PCDHA1: variants seen among roughly 807,000 people sequenced by gnomAD.
PCDHA1 encodes the protein protocadherin alpha 1, also known as protocadherin alpha-1.
In PCDHA1, 42 loss-of-function variants were observed where a neutral mutation model predicts 61.3. The observed-to-expected ratio is 0.69, with a 90% confidence interval of 0.54 to 0.89. PCDHA1 has a LOEUF of 0.89. Ranked by LOEUF, PCDHA1 falls within the 40% of genes least tolerant of loss-of-function variation. The pLI is 0.00. For synonymous variants in PCDHA1, 610 were observed against 553.8 expected (o/e 1.10, Z -1.43); for missense variants, 1,256 against 1,235.3 (o/e 1.02, Z -0.25).
At chr5:140,921,992 C>T (rs963694302) in intron 1 of PCDHA1, among the ~76,000 whole-genome samples, 1 of 151,726 alleles carries the variant, frequency 6.6e-6, no homozygotes, top group East Asian at 1.9e-4. Context: ...AAAAAGAGTT[C>T]AATGAAATGA....
At chr5:140,870,837 G>A (rs782610375) in intron 1 of PCDHA1, 9 of 1,613,702 alleles carry the variant, frequency 5.6e-6, no homozygotes, top group African/African-American at 1.3e-5. Flanking sequence ...CAGTTAACAA[G>A]CTAGTACCGC....
In PCDHA1 at chr5:140,863,213, A is replaced by C. The variant is rs1554157955; in HGVS notation, c.2394+74529A>C. 2.9e-6 allele frequency: 3 copies of C among 1,051,332 alleles called. No individual in the cohort carries two copies. The South Asian group carries it at 3.7e-5, about 13-fold the overall frequency. The allele number at this position is 1,051,332 out of a possible 1,614,324, so 65.1% of individuals were successfully genotyped here. On this transcript the variant is annotated intron_variant, in intron 1 of 3. Transcript: ENST00000504120. ...GTGGCGTCGCTGGCGGAGAGCAGCC[A>C]AGCGAGGAAGGTCCCATCGCGGGCT... is the stretch of plus-strand genomic sequence containing the variant.
At chr5:140,929,391 A>T (rs1563116530) in intron 1 of PCDHA1, 3 of 1,511,404 alleles carry the variant, frequency 2.0e-6, no homozygotes, top group Non-Finnish European at 2.7e-6. Context: ...GTTTTGAAAT[A>T]TTTCTTAGAC....
At chr5:140,948,395 T>C (rs1317288202) in intron 1 of PCDHA1, among the ~76,000 whole-genome samples, 1 of 151,580 alleles carries the variant, frequency 6.6e-6, no homozygotes, top group African/African-American at 2.4e-5. Context: ...TTCTGAAAGG[T>C]TGTGTAATAT....
intron 1 of PCDHA1, among the ~76,000 whole-genome samples, chr5:140,899,434 A>G (rs1583342387): frequency 6.6e-6 from 1 of 152,206 alleles, no homozygotes; most frequent in East Asian, 1.9e-4. Flanking sequence ...TCTTTTCTGC[A>G]TCTATTGAGA....
intron 1 of PCDHA1, among the ~76,000 whole-genome samples, chr5:140,905,958 G>C (rs1554192269): frequency 6.6e-6 from 1 of 152,184 alleles, no homozygotes; most frequent in African/African-American, 2.4e-5. Context: ...GATGTTCAAG[G>C]GGAGGAAGAT....
At chr5:140,867,282 C>T (rs921833641) in intron 1 of PCDHA1, 6 of 152,010 alleles carry the variant, frequency 3.9e-5, no homozygotes, top group African/African-American at 7.2e-5. Flanking sequence ...ACCTGATGTG[C>T]TTCAAATATC....
intron 1 of PCDHA1, among the ~76,000 whole-genome samples, chr5:140,945,576 T>G (rs1383348275): frequency 6.6e-6 from 1 of 152,064 alleles, no homozygotes; most frequent in African/African-American, 2.4e-5. Context: ...ACTACCTGGC[T>G]TCAAAATATA....
chr5:140,854,565 T>C (rs2043162230), intron 1 of PCDHA1: 1 of 150,016 alleles, frequency 6.7e-6, no homozygotes, highest in Non-Finnish European at 1.5e-5. Context: ...ATTGTTGCTC[T>C]GTCATTCAGA....
intron 1 of PCDHA1, among the ~76,000 whole-genome samples, chr5:140,800,070 A>T (rs1385440694): frequency 6.6e-6 from 1 of 152,172 alleles, no homozygotes; most frequent in Non-Finnish European, 1.5e-5. Flanking sequence ...TTTTAAAAAA[A>T]CTGGAATCTA....
At chr5:140,981,111 T>C (rs1275828842) in intron 2 of PCDHA1, among the ~76,000 whole-genome samples, 3 of 152,232 alleles carry the variant, frequency 2.0e-5, no homozygotes, top group African/African-American at 2.4e-5. Context: ...GAATTTCTAC[T>C]GGATATGTTG....
At chr5:140,861,412 C>T (rs371672031) in intron 1 of PCDHA1, 62 of 474,038 alleles carry the variant, frequency 1.3e-4, no homozygotes, top group African/African-American at 1.1e-3. Flanking sequence ...GAGCTGATAC[C>T]GCGCCTGTTT....
intron 2 of PCDHA1, 171 bp from the exon 3 acceptor site, chr5:140,982,304 C>G: frequency 8.0e-7 from 1 of 1,244,768 alleles, no homozygotes. Context: ...AGCAATGCTT[C>G]TGCAGTTTAT....
chr5:140,788,912 G>C (rs756967801), intron 1 of PCDHA1: 2 of 1,021,728 alleles, frequency 2.0e-6, no homozygotes, highest in Non-Finnish European at 2.6e-6. Flanking sequence ...TTAAATGGCA[G>C]GTTAAAAAAG....
chr5:140,890,439 A>C lies in PCDHA1; in HGVS notation c.2395-88510A>C, dbSNP rs114755692. On this transcript the variant is annotated intron_variant, in intron 1 of 3. Coordinates refer to ENST00000504120, the MANE Select transcript of PCDHA1 (RefSeq NM_018900.4). The stretch of plus-strand genomic sequence containing the variant: ...TATTTAGTTTATATTTACAATACCT[A>C]GTGATATCTTTAGGCACAAATATTT... 7.6e-3 allele frequency among the ~76,000 whole-genome samples: 1,153 copies of C among 152,326 alleles called. 6 individuals are homozygous for C. Among genetic ancestry groups the C allele is most frequent in the Non-Finnish European group, 0.013 (886 of 68,014 alleles).
chr5:140,797,921 C>T (rs559400044), intron 1 of PCDHA1, among the ~76,000 whole-genome samples: 1 of 152,254 alleles, frequency 6.6e-6, no homozygotes, highest in Admixed American at 6.5e-5. Flanking sequence ...GGTGTGATCT[C>T]AGCTCACTAT....
At chr5:140,875,893 C>T (rs781840611) in intron 1 of PCDHA1, 1 of 1,614,140 alleles carries the variant, frequency 6.2e-7, no homozygotes, top group Non-Finnish European at 8.5e-7. Flanking sequence ...ACAAAAGGTA[C>T]CTGTTTCTGA....
At chr5:140,884,864 T>C (rs1048751495) in intron 1 of PCDHA1, among the ~76,000 whole-genome samples, 1 of 152,234 alleles carries the variant, frequency 6.6e-6, no homozygotes, top group African/African-American at 2.4e-5. Flanking sequence ...TCACAAACCA[T>C]AATGAAATGT....
intron 1 of PCDHA1, chr5:140,824,859 A>G (rs1768373145): frequency 1.3e-5 from 2 of 152,032 alleles, no homozygotes; most frequent in African/African-American, 4.8e-5. Flanking sequence ...TTTGTTTTCA[A>G]TTGTATTTTT....
Sources: allele counts gnomAD v4.1 joint callset (sites outside exome capture counted in the v4.1 genomes callset), GRCh38; gene constraint gnomAD v4.1.1; transcripts MANE v1.5; gene names NCBI Gene and HGNC (gene_info 2026-07-23, HGNC 2026-07-21).